The following FGF12 variants were observed in gnomAD, a reference collection of about 807,000 sequenced individuals.
FGF12 encodes fibroblast growth factor 12B.
Under a neutral mutation model 23.6 loss-of-function variants are expected in FGF12, and 14 were observed. The observed-to-expected ratio is 0.59, with a 90% CI of 0.39 to 0.93. FGF12 has a LOEUF of 0.93. Among genes scored for constraint, FGF12 ranks in the 40% least tolerant of loss-of-function variants. The pLI is 0.00. For synonymous variants in FGF12, 62 were observed against 77.3 expected (o/e 0.80, Z 1.04); for missense variants, 175 against 217.8 (o/e 0.80, Z 1.24).
At chr3:192,350,092 T>G (rs1474865229) in intron 3 of FGF12, among the ~76,000 whole-genome samples, 1 of 152,136 alleles carries the variant, frequency 6.6e-6, no homozygotes, top group Non-Finnish European at 1.5e-5. Flanking sequence ...TACTCATTAT[T>G]AAGAATTTAT....
chr3:192,700,452 T>C (rs937320164), intron 2 of FGF12, among the ~76,000 whole-genome samples: 2 of 152,142 alleles, frequency 1.3e-5, no homozygotes, highest in Non-Finnish European at 2.9e-5. Flanking sequence ...AATAAAAAGA[T>C]ACATTTCATT....
chr3:192,719,763 TAATATGTGA>T (rs1718978047), intron 2 of FGF12, among the ~76,000 whole-genome samples: 1 of 124,180 alleles, frequency 8.1e-6, no homozygotes, highest in African/African-American at 3.1e-5. Flanking sequence ...CAATTTATTA[TAATATGTGA>T]AAGAGACTAA....
chr3:192,373,635 C>T (rs183292569), intron 2 of FGF12, among the ~76,000 whole-genome samples: 23 of 152,210 alleles, frequency 1.5e-4, no homozygotes, highest in Admixed American at 1.3e-3. Context: ...AACACATACA[C>T]TGTAAATATG....
intron 2 of FGF12, among the ~76,000 whole-genome samples, chr3:192,379,795 G>A (rs1719739170): frequency 1.3e-5 from 2 of 152,270 alleles, no homozygotes; most frequent in South Asian, 2.1e-4. Flanking sequence ...CAGGATTCAG[G>A]AGACTTAAGT....
At chr3:192,327,486 A>G (rs1292614181) in intron 4 of FGF12, among the ~76,000 whole-genome samples, 3 of 152,136 alleles carry the variant, frequency 2.0e-5, no homozygotes, top group African/African-American at 7.2e-5. Flanking sequence ...TTTAGTTCAT[A>G]AACTACCTAA....
chr3:192,676,282 G>A (rs146090814), intron 2 of FGF12, among the ~76,000 whole-genome samples: 42 of 152,314 alleles, frequency 2.8e-4, no homozygotes, highest in African/African-American at 9.4e-4. Flanking sequence ...TTCCTAGACA[G>A]AACAGGAGAA....
chr3:192,496,498 T>A (rs1238278499), intron 2 of FGF12, among the ~76,000 whole-genome samples: 1 of 152,088 alleles, frequency 6.6e-6, no homozygotes, highest in Non-Finnish European at 1.5e-5. Flanking sequence ...ATCTATCTCA[T>A]CAGCATATAA....
At chr3:192,350,201 A>T (rs1718153884) in intron 3 of FGF12, among the ~76,000 whole-genome samples, 1 of 152,180 alleles carries the variant, frequency 6.6e-6, no homozygotes, top group Admixed American at 6.6e-5. Context: ...AAATACATAC[A>T]GATGAAACAG....
chr3:192,663,099 A>C (rs1436110659), intron 2 of FGF12, among the ~76,000 whole-genome samples: 1 of 152,246 alleles, frequency 6.6e-6, no homozygotes, highest in Admixed American at 6.5e-5. Flanking sequence ...ACACACTAGC[A>C]TGACTTGGAA....
chr3:192,668,850 G>A (rs1352756170), intron 2 of FGF12, among the ~76,000 whole-genome samples: 1 of 152,106 alleles, frequency 6.6e-6, no homozygotes, highest in Non-Finnish European at 1.5e-5. Flanking sequence ...CCACGAAATA[G>A]AGAAAATAGA....
intron 2 of FGF12, among the ~76,000 whole-genome samples, chr3:192,657,092 C>G (rs2108680974): frequency 7.2e-6 from 1 of 139,098 alleles, no homozygotes; most frequent in African/African-American, 2.6e-5. Context: ...TCTATGTTCT[C>G]TGCTGAGTTG....
At chr3:192,259,840 G>A (rs1712632551) in intron 4 of FGF12, among the ~76,000 whole-genome samples, 1 of 152,014 alleles carries the variant, frequency 6.6e-6, no homozygotes, top group Non-Finnish European at 1.5e-5. Context: ...GAAAATAAAC[G>A]AGGTGTGAGG....
At chr3:192,278,990 T>C (rs1522271) in intron 4 of FGF12, among the ~76,000 whole-genome samples, 71,022 of 151,718 alleles carry the variant, frequency 0.47, 17,811 homozygotes, top group East Asian at 0.94. Context: ...AGGGCCTGAT[T>C]GTGGATGAGA....
chr3:192,589,205 C>T (rs183365367), intron 2 of FGF12, among the ~76,000 whole-genome samples: 8 of 151,308 alleles, frequency 5.3e-5, no homozygotes, highest in African/African-American at 1.2e-4. Context: ...TGTGGTGGTG[C>T]GCACCTGCAG....
rs897060371 is a variant in FGF12, at chr3:192,252,482, A to G, written c.229-81826T>C. Among the ~76,000 whole-genome samples, 11 of 148,446 alleles carry G rather than the reference A, an allele frequency of 7.4e-5. No individual in the cohort carries two copies. The East Asian group carries it at 2.0e-3, about 27-fold the overall frequency. On this transcript the variant is annotated intron_variant, in intron 4 of 5. Coordinates refer to ENST00000445105, the MANE Select transcript of FGF12 (RefSeq NM_004113.6). ...TGTCTCAAAAAAAAAAAAAAAAAAA[A>G]AAAAAAAAAAAGAAAAGAGAAGAGA... is the stretch of plus-strand genomic sequence containing the variant.
intron 4 of FGF12, among the ~76,000 whole-genome samples, chr3:192,270,219 A>T (rs1441851105): frequency 6.6e-6 from 1 of 152,154 alleles, no homozygotes; most frequent in Admixed American, 6.5e-5. Context: ...TCTTGAAACA[A>T]CTTCCCACAG....
chr3:192,173,713 C>T (rs1442011154), intron 4 of FGF12, among the ~76,000 whole-genome samples: 1 of 151,864 alleles, frequency 6.6e-6, no homozygotes, highest in Non-Finnish European at 1.5e-5. Flanking sequence ...CTGGAAAGTT[C>T]AAGCAATACA....
chr3:192,162,428 CAA>C (rs1372054167), intron 5 of FGF12, among the ~76,000 whole-genome samples: 1 of 151,764 alleles, frequency 6.6e-6, no homozygotes, highest in African/African-American at 2.4e-5. Context: ...CAATGAGGGA[CAA>C]AGAGAGAGAA....
chr3:192,633,467 G>C (rs1715467337), intron 2 of FGF12, among the ~76,000 whole-genome samples: 1 of 151,962 alleles, frequency 6.6e-6, no homozygotes, highest in Non-Finnish European at 1.5e-5. Context: ...ACATTAATTT[G>C]GGAAAACACG....
Sources: gnomAD v4.1 joint callset for allele counts (sites outside exome capture counted in the v4.1 genomes callset) on GRCh38, gnomAD v4.1.1 for gene constraint, MANE v1.5 for transcripts, NCBI Gene and HGNC (gene_info 2026-07-23, HGNC 2026-07-21) for gene names.